Variants in HSPA12A observed in about 807,000 individuals in gnomAD.
The protein encoded by HSPA12A is heat shock 70 kDa protein 12A.
Under a neutral mutation model 69.2 loss-of-function variants are expected in HSPA12A, and 28 were observed. The observed-to-expected ratio is 0.40, with a 90% CI of 0.30 to 0.55. The LOEUF (loss-of-function observed/expected upper bound fraction) is 0.55, where lower values mean the gene tolerates loss of function less well. Ranked by LOEUF, HSPA12A falls within the 20% of genes least tolerant of loss-of-function variation. HSPA12A has a pLI of 0.38. For synonymous variants in HSPA12A, 345 were observed against 370.5 expected (o/e 0.93, Z 0.79); for missense variants, 686 against 900.7 (o/e 0.76, Z 3.05).
At chr10:116,842,430 T>G (rs1478077632) in intron 1 of HSPA12A, among the ~76,000 whole-genome samples, 3 of 152,348 alleles carry the variant, frequency 2.0e-5, no homozygotes, top group Non-Finnish European at 2.9e-5. Context: ...ATTTTGCTAT[T>G]TTTATATTAA....
chr10:116,758,810 G>A (rs1445604868), intron 2 of HSPA12A, among the ~76,000 whole-genome samples: 4 of 152,122 alleles, frequency 2.6e-5, no homozygotes, highest in Non-Finnish European at 5.9e-5. Context: ...TTAAAACCAA[G>A]GAAATAAAGA....
At chr10:116,772,080 A>T (rs1409012542) in intron 2 of HSPA12A, among the ~76,000 whole-genome samples, 1 of 152,108 alleles carries the variant, frequency 6.6e-6, no homozygotes, top group Non-Finnish European at 1.5e-5. Flanking sequence ...CCCTGAGATG[A>T]CAGCACAGGA....
chr10:116,845,964 T>C (rs1845873126), intron 1 of HSPA12A, among the ~76,000 whole-genome samples: 1 of 152,206 alleles, frequency 6.6e-6, no homozygotes, highest in African/African-American at 2.4e-5. Context: ...TGGTTTCACA[T>C]TTATGATTTC....
chr10:116,788,198 A>G (rs3095118), intron 2 of HSPA12A, among the ~76,000 whole-genome samples: 152,043 of 152,352 alleles, frequency 1, 75,870 homozygotes, highest in Non-Finnish European at 1. Flanking sequence ...ACCCCCGCAA[A>G]CGGCGGGAGG....
At position 116,707,129 on chromosome 10, in the gene HSPA12A, G is replaced by C. The variant is rs1263412206; in HGVS notation, c.126+71C>G. 3.0e-5 allele frequency: 38 copies of C among 1,254,438 alleles called. 1 individual carries two copies. The highest frequency in any genetic ancestry group is 4.2e-5 in the Non-Finnish European group (38 of 905,806). The allele number at this position is 1,254,438 out of a possible 1,614,324, so 77.7% of individuals were successfully genotyped here. On this transcript the variant is annotated intron_variant, in intron 2 of 11. Transcript: ENST00000369209. ...GAATGCAAAGGAAGTCAGTACGCACGTGTGCTCATGCGCACCCATGCGCGC... is the reference window on the plus strand; with the variant it reads ...GAATGCAAAGGAAGTCAGTACGCACCTGTGCTCATGCGCACCCATGCGCGC...
chr10:116,728,378 G>A (rs1851044682), intron 1 of HSPA12A, among the ~76,000 whole-genome samples: 1 of 152,310 alleles, frequency 6.6e-6, no homozygotes, highest in Admixed American at 6.5e-5. Context: ...GTAAGTCAAG[G>A]AGCATCTGTA....
intron 1 of HSPA12A, among the ~76,000 whole-genome samples, chr10:116,742,216 C>A (rs1261912563): frequency 6.6e-6 from 1 of 151,908 alleles, no homozygotes; most frequent in Non-Finnish European, 1.5e-5. Context: ...TGGCGGGGCG[C>A]AGAACATGTG....
chr10:116,834,896 T>G, intron 2 of HSPA12A: 3 of 1,125,584 alleles, frequency 2.7e-6, no homozygotes, highest in Non-Finnish European at 3.4e-6. Context: ...TTATTTCAGA[T>G]GCCAGTTTGA....
At chr10:116,780,698 G>A (rs77544624) in intron 2 of HSPA12A, among the ~76,000 whole-genome samples, 2,903 of 152,084 alleles carry the variant, frequency 0.019, 62 homozygotes, top group East Asian at 0.12. Context: ...ATTATGATGC[G>A]TGCTTCTTCA....
upstream of HSPA12A, among the ~76,000 whole-genome samples, chr10:116,744,523 CA>C (rs558051028): frequency 1.5e-4 from 23 of 152,346 alleles, no homozygotes; most frequent in East Asian, 4.5e-3. Context: ...GCCACAGTGA[CA>C]TGAGGGTGCG....
At chr10:116,792,259 C>CAAAAAAAA (rs55642476) in intron 2 of HSPA12A, among the ~76,000 whole-genome samples, 1 of 61,002 alleles carries the variant, frequency 1.6e-5, no homozygotes, top group Non-Finnish European at 2.9e-5. Context: ...AACTCGGTCT[C>CAAAAAAAA]AAAAAAAAAA....
intron 1 of HSPA12A, among the ~76,000 whole-genome samples, chr10:116,740,175 T>C (rs1851439032): frequency 6.6e-6 from 1 of 152,122 alleles, no homozygotes; most frequent in Non-Finnish European, 1.5e-5. Flanking sequence ...ATGGCCTGGG[T>C]CCCAAACAAC....
intron 2 of HSPA12A, among the ~76,000 whole-genome samples, chr10:116,790,800 C>T (rs1217939461): frequency 6.6e-6 from 1 of 152,150 alleles, no homozygotes; most frequent in Non-Finnish European, 1.5e-5. Flanking sequence ...AAGCGATTCT[C>T]CTGTCTCAGC....
chr10:116,703,663 G>C (rs1850145667), intron 3 of HSPA12A, among the ~76,000 whole-genome samples: 1 of 152,178 alleles, frequency 6.6e-6, no homozygotes, highest in Non-Finnish European at 1.5e-5. Context: ...GTCATCCCTT[G>C]GAATTGAAAA....
chr10:116,799,791 C>T (rs1318429061), intron 2 of HSPA12A, among the ~76,000 whole-genome samples: 4 of 152,202 alleles, frequency 2.6e-5, no homozygotes, highest in Non-Finnish European at 5.9e-5. Context: ...CAGGTAGGTG[C>T]TCAGCGCGTG....
At position 116,676,472 on chromosome 10, in the gene HSPA12A, C is replaced by T. The variant is rs184577824; in HGVS notation, c.1317G>A (p.Gly439=). The T allele has an allele frequency of 2.0e-4, 317 of 1,613,932 alleles. 5 individuals are homozygous for T. In the East Asian group the frequency reaches 3.6e-3, roughly 18 times the overall value. ...TGGCATCTGGACTCATCCGCAGCATCCCCTGCGAGGACCACTTCACAAAAT... is the reference window on the plus strand; with the variant it reads ...TGGCATCTGGACTCATCCGCAGCATTCCCTGCGAGGACCACTTCACAAAAT... ...NVDFVKWSSQ[G]MLRMSPDAMN... is the part of the protein sequence containing the mutation. The change falls in exon 11 of 12, where the codon GGG becomes GGA. Residue 439 remains glycine (G), a synonymous_variant. Coordinates refer to ENST00000369209, the MANE Select transcript of HSPA12A (RefSeq NM_025015.3).
chr10:116,817,009 T>C, intron 2 of HSPA12A, among the ~76,000 whole-genome samples: 1 of 152,246 alleles, frequency 6.6e-6, no homozygotes. Flanking sequence ...TGTGGAAACA[T>C]GAAATCTACA....
chr10:116,754,350 C>G (rs1843782168), intron 2 of HSPA12A, among the ~76,000 whole-genome samples: 1 of 152,092 alleles, frequency 6.6e-6, no homozygotes, highest in Non-Finnish European at 1.5e-5. Flanking sequence ...ATTTCATCCC[C>G]CAAAAGATTT....
At chr10:116,818,470 G>A (rs1845349274) in intron 2 of HSPA12A, among the ~76,000 whole-genome samples, 1 of 151,890 alleles carries the variant, frequency 6.6e-6, no homozygotes, top group South Asian at 2.1e-4. Context: ...CTTGGCCCCT[G>A]TAGGATTGTG....
Sources: allele counts gnomAD v4.1 joint callset (sites outside exome capture counted in the v4.1 genomes callset), GRCh38; gene constraint gnomAD v4.1.1; transcripts MANE v1.5; gene names NCBI Gene and HGNC (gene_info 2026-07-23, HGNC 2026-07-21).